Variants in ST7 observed in about 807,000 individuals in gnomAD.
ST7 encodes the protein suppression of tumorigenicity 7, also known as suppressor of tumorigenicity 7 protein.
A neutral mutation model predicts 78.7 loss-of-function variants in ST7; 28 were observed. The ratio of observed to expected loss-of-function variants is 0.36; its 90% CI spans 0.26 to 0.49. ST7 has a LOEUF of 0.49. Ranked by LOEUF, ST7 falls within the 20% of genes least tolerant of loss-of-function variation. ST7 has a pLI of 0.99. For missense variants in ST7, 418 were observed against 696.0 expected (o/e 0.60, Z 4.49); for synonymous variants, 247 against 249.6 (o/e 0.99, Z 0.10).
At chr7:116,993,593 T>C (rs1302370725) in intron 1 of ST7, among the ~76,000 whole-genome samples, 1 of 152,272 alleles carries the variant, frequency 6.6e-6, no homozygotes, top group African/African-American at 2.4e-5. Flanking sequence ...TCTCCACTAA[T>C]AGAGCTCCTT....
chr7:117,147,197 T>A (rs1288557438), intron 9 of ST7, among the ~76,000 whole-genome samples: 1 of 152,176 alleles, frequency 6.6e-6, no homozygotes, highest in Non-Finnish European at 1.5e-5. Context: ...TTCCATGTTG[T>A]GTTCTTACTC....
chr7:117,177,387 TGTTGG>T (rs1046485616), intron 10 of ST7, among the ~76,000 whole-genome samples: 2 of 152,212 alleles, frequency 1.3e-5, no homozygotes, highest in Non-Finnish European at 2.9e-5. Flanking sequence ...TCCAAATTTA[TGTTGG>T]GTTTGGTAAT....
intron 12 of ST7, among the ~76,000 whole-genome samples, chr7:117,197,699 CA>C (rs1810448052): frequency 6.6e-6 from 1 of 152,166 alleles, no homozygotes; most frequent in Non-Finnish European, 1.5e-5. Flanking sequence ...TTTGGTAGAA[CA>C]TTGTTAGCCA....
intron 1 of ST7, among the ~76,000 whole-genome samples, chr7:117,005,656 G>A (rs1345002521): frequency 6.6e-6 from 1 of 152,104 alleles, no homozygotes; most frequent in Non-Finnish European, 1.5e-5. Flanking sequence ...GTTTGAAGAT[G>A]TAGTATGCTG....
chr7:117,216,688 C>T (rs1464641411), intron 13 of ST7, among the ~76,000 whole-genome samples: 1 of 152,112 alleles, frequency 6.6e-6, no homozygotes, highest in East Asian at 1.9e-4. Flanking sequence ...TGACTGGGCC[C>T]TGCACTGCAG....
intron 1 of ST7, chr7:116,959,714 A>C (rs952858805): frequency 2.0e-5 from 3 of 152,252 alleles, no homozygotes; most frequent in African/African-American, 7.2e-5. Flanking sequence ...TTTTTTGATT[A>C]ATGTCAGCTT....
chr7:117,225,961 T>A (rs1329368995), intron 15 of ST7, among the ~76,000 whole-genome samples: 1 of 152,158 alleles, frequency 6.6e-6, no homozygotes, highest in Non-Finnish European at 1.5e-5. Flanking sequence ...CACATATAAA[T>A]ACGTTATCAT....
intron 1 of ST7, among the ~76,000 whole-genome samples, chr7:116,984,993 C>G (rs1456134534): frequency 6.6e-6 from 1 of 152,096 alleles, no homozygotes; most frequent in African/African-American, 2.4e-5. Flanking sequence ...ACTGTTTATC[C>G]AGAGTAATTC....
intron 15 of ST7, 54 bp downstream of exon 15, chr7:117,222,116 C>A: frequency 6.5e-7 from 1 of 1,549,058 alleles, no homozygotes; most frequent in Non-Finnish European, 8.6e-7. Flanking sequence ...AAGCCAAGGG[C>A]ATAAAAGCAG....
At chr7:117,138,376 A>C in intron 8 of ST7, 59 bp from the exon 9 acceptor site, 1 of 1,202,538 alleles carries the variant, frequency 8.3e-7, no homozygotes. Context: ...GGGCAAGGCA[A>C]ATGGGCCTCT....
chr7:117,200,222 G>A (rs932993027), intron 12 of ST7, among the ~76,000 whole-genome samples: 1 of 152,062 alleles, frequency 6.6e-6, no homozygotes, highest in African/African-American at 2.4e-5. Context: ...GTAGATGTAG[G>A]CCTGCTCTGG....
chr7:117,027,457 T>TAAAAGTAAAAGTAAAAGTA (rs111942127), intron 1 of ST7, among the ~76,000 whole-genome samples: 1 of 121,938 alleles, frequency 8.2e-6, no homozygotes, highest in African/African-American at 3.4e-5. Flanking sequence ...AAAAGTAAAG[T>TAAAAGTAAAAGTAAAAGTA]AAAGTAAAAG....
In ST7 at chr7:117,213,382, T is replaced by C. The variant is rs920227873; in HGVS notation, c.1405+3445T>C. 5.6e-4 allele frequency among the ~76,000 whole-genome samples: 86 copies of C among 152,216 alleles called. 2 individuals are homozygous for C. Among genetic ancestry groups the C allele is most frequent in the Non-Finnish European group, 7.3e-5 (5 of 68,038 alleles). ...CTGGGTTCCATGTTTAAAATGATTA[T>C]TAGTAAATTTATTTTGGGAGATTTA... On this transcript the variant is annotated intron_variant, in intron 13 of 15. Transcript: ENST00000323984.
chr7:117,082,142 T>A (rs1799831540), intron 1 of ST7, among the ~76,000 whole-genome samples: 1 of 152,172 alleles, frequency 6.6e-6, no homozygotes. Context: ...TTAAAGTCAA[T>A]GGATTGTGTA....
At chr7:117,211,350 T>TG (rs147072809) in intron 13 of ST7, among the ~76,000 whole-genome samples, 43 of 152,298 alleles carry the variant, frequency 2.8e-4, no homozygotes, top group Non-Finnish European at 5.3e-4. Flanking sequence ...ACTCAGGGTG[T>TG]GTGTGAGCAT....
chr7:117,146,541 A>G (rs1310881932), intron 9 of ST7: 5 of 152,320 alleles, frequency 3.3e-5, no homozygotes, highest in Non-Finnish European at 5.9e-5. Flanking sequence ...GCAGCAGAGA[A>G]GCGGAGGAGT....
chr7:117,138,410 T>C (rs1804975240), intron 8 of ST7, 25 bp from the exon 9 acceptor site: 2 of 1,487,174 alleles, frequency 1.3e-6, no homozygotes, highest in African/African-American at 1.4e-5. Flanking sequence ...TTTTAAATGT[T>C]GGTGTTTTAT....
At chr7:117,147,110 C>A (rs1308676622) in intron 9 of ST7, among the ~76,000 whole-genome samples, 2 of 152,004 alleles carry the variant, frequency 1.3e-5, no homozygotes, top group East Asian at 3.9e-4. Context: ...TTTTACTCAA[C>A]ACTGTTTTTC....
At chr7:116,998,522 G>A (rs1195580299) in intron 1 of ST7, among the ~76,000 whole-genome samples, 2 of 152,380 alleles carry the variant, frequency 1.3e-5, no homozygotes, top group South Asian at 2.1e-4. Flanking sequence ...CCGAGAGTGA[G>A]CAAGGGCTGC....
Sources: gnomAD v4.1 joint callset for allele counts (sites outside exome capture counted in the v4.1 genomes callset) on GRCh38, gnomAD v4.1.1 for gene constraint, MANE v1.5 for transcripts, NCBI Gene and HGNC (gene_info 2026-07-23, HGNC 2026-07-21) for gene names.